PCDH15: variants seen among roughly 807,000 people sequenced by gnomAD.
PCDH15 encodes the protein protocadherin-15.
Under a neutral mutation model 178.5 loss-of-function variants are expected in PCDH15, and 129 were observed. That is an observed-to-expected ratio of 0.72 (90% CI 0.63 to 0.84). The LOEUF (loss-of-function observed/expected upper bound fraction) is 0.84, where lower values mean the gene tolerates loss of function less well. PCDH15 is among the 40% of genes least tolerant of loss of function. The pLI, the probability that PCDH15 is intolerant of heterozygous loss-of-function variation, is 0.00. For synonymous variants in PCDH15, 800 were observed against 732.0 expected, an observed-to-expected ratio of 1.09 and a Z score of -1.50; for missense variants, 2,230 against 2,099.9, an observed-to-expected ratio of 1.06 and a Z score of -1.21.
chr10:54,644,673 A>T (rs1299205757), intron 2 of PCDH15, among the ~76,000 whole-genome samples: 2 of 152,146 alleles, frequency 1.3e-5, no homozygotes, highest in African/African-American at 2.4e-5. Flanking sequence ...TCAGAATAAC[A>T]GTTTCTTTGC....
At chr10:55,186,425 A>G (rs1387742543) in intron 1 of PCDH15, among the ~76,000 whole-genome samples, 1 of 151,324 alleles carries the variant, frequency 6.6e-6, no homozygotes, top group Non-Finnish European at 1.5e-5. Context: ...AAATATAATT[A>G]ATAAATACAT....
intron 20 of PCDH15, among the ~76,000 whole-genome samples, chr10:54,008,257 C>T (rs781062674): frequency 1.3e-5 from 2 of 152,028 alleles, no homozygotes; most frequent in African/African-American, 2.4e-5. Context: ...AGTCAGGACG[C>T]CTTGACCAAA....
At chr10:55,538,702 TAAA>T (rs1841672272) in intron 2 of PCDH15, among the ~76,000 whole-genome samples, 1 of 3,680 alleles carries the variant, frequency 2.7e-4, no homozygotes, top group African/African-American at 1.0e-3. Context: ...CTTCTTTCAT[TAAA>T]ACATCCCTCC....
chr10:55,432,487 T>C (rs918048294), intron 2 of PCDH15, among the ~76,000 whole-genome samples: 3 of 152,242 alleles, frequency 2.0e-5, no homozygotes, highest in Admixed American at 1.3e-4. Context: ...GGATGAAAAG[T>C]TGGAGACCTG....
intron 2 of PCDH15, among the ~76,000 whole-genome samples, chr10:55,603,539 G>A (rs1004707000): frequency 1.3e-5 from 2 of 152,056 alleles, no homozygotes; most frequent in Non-Finnish European, 2.9e-5. Context: ...GACTAACAGT[G>A]AATCTCTCGG....
chr10:55,101,550 C>T (rs1228134488), intron 2 of PCDH15, among the ~76,000 whole-genome samples: 4 of 151,714 alleles, frequency 2.6e-5, no homozygotes, highest in Admixed American at 6.6e-5. Context: ...AGTGTATTTT[C>T]GACTACTTAA....
intron 1 of PCDH15, among the ~76,000 whole-genome samples, chr10:55,213,397 G>A (rs1331785338): frequency 6.6e-6 from 1 of 152,010 alleles, no homozygotes; most frequent in Non-Finnish European, 1.5e-5. Context: ...TTCCTTGAGT[G>A]TTTGGTAGAA....
At chr10:55,356,486 GT>G (rs930889590) in intron 2 of PCDH15, among the ~76,000 whole-genome samples, 1 of 151,558 alleles carries the variant, frequency 6.6e-6, no homozygotes, top group Non-Finnish European at 1.5e-5. Context: ...TTTTGTTTTT[GT>G]TTTTTCTGAT....
chr10:54,781,394 A>G (rs1214962957), intron 1 of PCDH15, among the ~76,000 whole-genome samples: 1 of 152,128 alleles, frequency 6.6e-6, no homozygotes, highest in Admixed American at 6.6e-5. Flanking sequence ...TAATACATCT[A>G]TGTAGACATT....
chr10:55,293,706 T>G (rs1843069587), intron 1 of PCDH15, among the ~76,000 whole-genome samples: 1 of 152,154 alleles, frequency 6.6e-6, no homozygotes, highest in Non-Finnish European at 1.5e-5. Context: ...AGAGTTACCT[T>G]TGCTCCACTT....
chr10:55,431,774 A>C (rs1178984881), intron 2 of PCDH15, among the ~76,000 whole-genome samples: 1 of 152,024 alleles, frequency 6.6e-6, no homozygotes. Flanking sequence ...TGACAATAAT[A>C]CTCATAAATT....
intron 25 of PCDH15, among the ~76,000 whole-genome samples, chr10:53,918,965 G>A (rs1189837597): frequency 6.6e-6 from 1 of 152,166 alleles, no homozygotes; most frequent in Non-Finnish European, 1.5e-5. Context: ...GCTTCTAGAA[G>A]CTGCCTGCTT....
At chr10:54,792,858 T>C (rs543652898) in intron 1 of PCDH15, among the ~76,000 whole-genome samples, 84 of 151,916 alleles carry the variant, frequency 5.5e-4, no homozygotes, top group South Asian at 1.5e-3. Flanking sequence ...ATAGCCAGGT[T>C]GAGCACTGGC....
chr10:54,910,724 A>G lies in PCDH15; in HGVS notation c.-79-13224T>C, dbSNP rs532006964. On this transcript the variant is annotated intron_variant, in intron 2 of 5. Coordinates refer to the PCDH15 transcript ENST00000458638. ...TTGTATGCAGAATAAGGTATGCAAA[A>G]CAATAGGTTTTTGTTAAATTTTCAT... Among the ~76,000 whole-genome samples, 33 of 152,332 alleles carry G rather than the reference A, an allele frequency of 2.2e-4. No homozygotes were observed. The South Asian group carries it at 5.4e-3, about 25-fold the overall frequency.
Position 54,212,620 on chromosome 10 carries a change from T to A in PCDH15, c.1098+1316A>T, listed in dbSNP as rs557959299. On this transcript the variant is annotated intron_variant, in intron 10 of 37. Transcript: ENST00000644397. ...TCCCTATTCTGTGTGTCGTTACCGCTTTTTACACGTCTTCCTCTTAGCATT... is the reference window on the plus strand; with the variant it reads ...TCCCTATTCTGTGTGTCGTTACCGCATTTTACACGTCTTCCTCTTAGCATT... 4.6e-5 allele frequency among the ~76,000 whole-genome samples: 7 copies of A among 152,306 alleles called. No individual in the cohort carries two copies. The South Asian group carries it at 1.4e-3, about 32-fold the overall frequency.
intron 5 of PCDH15, among the ~76,000 whole-genome samples, chr10:54,362,023 A>G (rs1016238779): frequency 5.3e-5 from 8 of 152,104 alleles, no homozygotes; most frequent in African/African-American, 1.7e-4. Context: ...TAAAATGAAA[A>G]CAATGAACAC....
chr10:54,134,171 G>A lies in PCDH15; in HGVS notation c.1785-1164C>T, dbSNP rs745850364. On this transcript the variant is annotated intron_variant, in intron 14 of 37. Transcript: ENST00000644397. ...TGATTCTCCTGCCTCAGCCTCCCAA[G>A]TAGCTGGGATTACAGGCCTGTGTCA... Among the ~76,000 whole-genome samples the A allele has an allele frequency of 1.5e-5, 2 of 134,114 alleles. 1 individual carries two copies. The highest frequency in any genetic ancestry group is 3.2e-5 in the Non-Finnish European group (2 of 62,030). 88.0% of individuals were successfully genotyped at this position (134,114 alleles called of 152,430 possible).
At chr10:55,427,869 T>C (rs940790966) in intron 2 of PCDH15, among the ~76,000 whole-genome samples, 10 of 152,120 alleles carry the variant, frequency 6.6e-5, no homozygotes, top group Non-Finnish European at 2.9e-5. Flanking sequence ...GATCTTCTAG[T>C]ATCTCCAAAT....
chr10:53,865,441 G>T (rs972528342), intron 27 of PCDH15, among the ~76,000 whole-genome samples: 24 of 152,168 alleles, frequency 1.6e-4, no homozygotes, highest in African/African-American at 5.3e-4. Flanking sequence ...TTAATTAAAT[G>T]TTATGGACAA....
Sources: allele counts gnomAD v4.1 joint callset (sites outside exome capture counted in the v4.1 genomes callset), GRCh38; gene constraint gnomAD v4.1.1; transcripts MANE v1.5; gene names NCBI Gene and HGNC (gene_info 2026-07-23, HGNC 2026-07-21).